CIMIP6: variants seen among roughly 807,000 people sequenced by gnomAD.
CIMIP6 encodes ciliary microtubule inner protein 6.
the CIMIP6 span, among the ~76,000 whole-genome samples, chr2:54,363,003 C>A: frequency 6.6e-6 from 1 of 152,054 alleles, no homozygotes; most frequent in Non-Finnish European, 1.5e-5. Flanking sequence ...TATTTAATAT[C>A]CAATCTATAC....
At chr2:54,364,954 C>A in the CIMIP6 span, among the ~76,000 whole-genome samples, 1 of 152,052 alleles carries the variant, frequency 6.6e-6, no homozygotes, top group Non-Finnish European at 1.5e-5. Flanking sequence ...AAGCAATGAG[C>A]AAGAGGTGAG....
the CIMIP6 span, among the ~76,000 whole-genome samples, chr2:54,375,329 T>G: frequency 6.6e-6 from 1 of 152,112 alleles, no homozygotes; most frequent in African/African-American, 2.4e-5. Flanking sequence ...ATCAAGTTAA[T>G]AAGGAAAATA....
chr2:54,349,037 T>C, the CIMIP6 span, among the ~76,000 whole-genome samples: 3 of 147,478 alleles, frequency 2.0e-5, 1 homozygote, highest in South Asian at 6.2e-4. Context: ...TAATCTAATA[T>C]GTGAAGGGGG....
At chr2:54,332,923 T>G in the CIMIP6 span, among the ~76,000 whole-genome samples, 3 of 152,244 alleles carry the variant, frequency 2.0e-5, no homozygotes, top group African/African-American at 7.2e-5. Flanking sequence ...AATCAGTTTT[T>G]CCAAATCCTT....
the CIMIP6 span, among the ~76,000 whole-genome samples, chr2:54,348,677 A>G: frequency 6.6e-6 from 1 of 152,252 alleles, no homozygotes; most frequent in Non-Finnish European, 1.5e-5. Context: ...ATTTAAAAAT[A>G]TGTATATAAA....
the CIMIP6 span, among the ~76,000 whole-genome samples, chr2:54,356,616 T>G: frequency 6.6e-6 from 1 of 152,182 alleles, no homozygotes; most frequent in Non-Finnish European, 1.5e-5. Flanking sequence ...AGCTGGCCCT[T>G]TGCTAACTTT....
At chr2:54,379,354 T>C in the CIMIP6 span, among the ~76,000 whole-genome samples, 2 of 152,212 alleles carry the variant, frequency 1.3e-5, no homozygotes, top group Admixed American at 1.3e-4. Context: ...TTTTCTCCAG[T>C]TCTCACTCTT....
the CIMIP6 span, among the ~76,000 whole-genome samples, chr2:54,375,883 G>T: frequency 1.4e-5 from 1 of 70,160 alleles, no homozygotes; most frequent in Admixed American, 1.3e-4. Context: ...AATCATATAG[G>T]GGGTGTGTGT....
chr2:54,345,797 A>G, the CIMIP6 span, among the ~76,000 whole-genome samples: 1 of 152,346 alleles, frequency 6.6e-6, no homozygotes, highest in East Asian at 1.9e-4. Context: ...TGTGAAGGGG[A>G]AAAATATGCA....
the CIMIP6 span, among the ~76,000 whole-genome samples, chr2:54,349,221 T>A: frequency 2.6e-5 from 4 of 152,160 alleles, no homozygotes; most frequent in African/African-American, 9.6e-5. Flanking sequence ...GTTATGCTTT[T>A]TTCTTTTTAC....
At chr2:54,374,126 C>G in the CIMIP6 span, among the ~76,000 whole-genome samples, 9 of 152,318 alleles carry the variant, frequency 5.9e-5, no homozygotes, top group South Asian at 1.9e-3. Context: ...TAGCCTGTAC[C>G]GTACTGTGCA....
the CIMIP6 span, among the ~76,000 whole-genome samples, chr2:54,379,859 C>T: frequency 1.3e-5 from 2 of 151,842 alleles, no homozygotes; most frequent in African/African-American, 4.8e-5. Flanking sequence ...TGCCTGTAAT[C>T]CCAGCTACTC....
chr2:54,379,814 TAA>T, the CIMIP6 span, among the ~76,000 whole-genome samples: 7 of 141,376 alleles, frequency 5.0e-5, no homozygotes, highest in Admixed American at 1.4e-4. Context: ...CATCTCCACT[TAA>T]AAAAAAAAAA....
At chr2:54,382,442 G>C in the CIMIP6 span, among the ~76,000 whole-genome samples, 1 of 152,092 alleles carries the variant, frequency 6.6e-6, no homozygotes, top group African/African-American at 2.4e-5. Flanking sequence ...AGTTTCTGGT[G>C]GTCCCAGCAT....
chr2:54,335,262 A>G, the CIMIP6 span, among the ~76,000 whole-genome samples: 371 of 152,288 alleles, frequency 2.4e-3, no homozygotes, highest in Admixed American at 4.3e-3. Context: ...GATTATTGCC[A>G]CAAAGTAGTG....
the CIMIP6 span, chr2:54,360,435 C>A: frequency 1.3e-6 from 2 of 1,595,962 alleles, no homozygotes; most frequent in East Asian, 2.3e-5. Context: ...GTCAGACAGG[C>A]AGCCAAGGCA....
the CIMIP6 span, among the ~76,000 whole-genome samples, chr2:54,361,892 G>C: frequency 6.6e-6 from 1 of 152,156 alleles, no homozygotes; most frequent in African/African-American, 2.4e-5. Context: ...AAAGTAGAAA[G>C]ATAGAATTGA....
the CIMIP6 span, among the ~76,000 whole-genome samples, chr2:54,356,451 C>G: frequency 6.6e-6 from 1 of 152,312 alleles, no homozygotes; most frequent in Admixed American, 6.5e-5. Context: ...TTCTTCTTGG[C>G]TACATCTGAC....
At chr2:54,368,151 T>G in the CIMIP6 span, among the ~76,000 whole-genome samples, 1 of 152,196 alleles carries the variant, frequency 6.6e-6, no homozygotes, top group Non-Finnish European at 1.5e-5. Flanking sequence ...GGTTCTTCTG[T>G]AAAAACAATT....
Sources: allele counts gnomAD v4.1 joint callset (sites outside exome capture counted in the v4.1 genomes callset), GRCh38; gene constraint gnomAD v4.1.1; transcripts MANE v1.5; gene names NCBI Gene and HGNC (gene_info 2026-07-23, HGNC 2026-07-21).